ECE1: variants seen among roughly 807,000 people sequenced by gnomAD.
ECE1 encodes endothelin-converting enzyme 1.
Under a neutral mutation model 98.6 loss-of-function variants are expected in ECE1, and 35 were observed. That is an observed-to-expected ratio of 0.35 (90% CI 0.27 to 0.47). The LOEUF is 0.47. Among genes scored for constraint, ECE1 ranks in the 20% least tolerant of loss-of-function variants. The pLI, the probability that ECE1 is intolerant of heterozygous loss-of-function variation, is 1.00. For synonymous variants in ECE1, 394 were observed against 407.1 expected (o/e 0.97, Z 0.39); for missense variants, 814 against 1,025.3 (o/e 0.79, Z 2.81).
rs1236340453 is a variant in ECE1, at chr1:21,258,929, C to T, written c.616-90G>A. 1.3e-6 allele frequency: 2 copies of T among 1,553,772 alleles called. No individual in the cohort carries two copies. The highest frequency in any genetic ancestry group is 2.7e-5 in the African/African-American group (2 of 73,546). On this transcript the variant is annotated intron_variant, in intron 5 of 18. Coordinates refer to ENST00000374893, the MANE Select transcript of ECE1 (RefSeq NM_001397.3). The surrounding 1 kb of genome is among the most constrained non-coding windows in gnomAD (Gnocchi z 4.2). ...GTTCTGCCGCTGACTTGCTCTGTGA[C>T]CCTGGAGCAGTCGCCTGACCTCTCT... is the stretch of plus-strand genomic sequence containing the variant.
At chr1:21,272,043 A>G (rs1437867980) in intron 4 of ECE1, among the ~76,000 whole-genome samples, 1 of 152,056 alleles carries the variant, frequency 6.6e-6, no homozygotes, top group Non-Finnish European at 1.5e-5. Context: ...TGAAGCCACA[A>G]AAGTAACGAC....
intron 1 of ECE1, among the ~76,000 whole-genome samples, chr1:21,317,429 C>T (rs931179741): frequency 2.0e-5 from 3 of 152,190 alleles, no homozygotes; most frequent in Non-Finnish European, 2.9e-5. Context: ...GCTCGCAGGC[C>T]TCAGATGGGG....
At chr1:21,279,379 C>G (rs750932820) in intron 2 of ECE1, 47 bp from the exon 3 acceptor site, 1 of 1,613,452 alleles carries the variant, frequency 6.2e-7, no homozygotes, top group Non-Finnish European at 8.5e-7. Flanking sequence ...GAGCCCCGGG[C>G]CCCGCTTCCC....
intron 4 of ECE1, among the ~76,000 whole-genome samples, chr1:21,263,108 G>A (rs1026249366): frequency 6.6e-6 from 1 of 152,202 alleles, no homozygotes; most frequent in Non-Finnish European, 1.5e-5. Context: ...CTTCGTTTGA[G>A]CTTCGGGCTG....
chr1:21,311,367 G>C (rs1638718527), intron 1 of ECE1, among the ~76,000 whole-genome samples: 1 of 152,104 alleles, frequency 6.6e-6, no homozygotes, highest in African/African-American at 2.4e-5. Flanking sequence ...CAGGCTTCCA[G>C]GGCAAGTGAG....
chr1:21,276,680 C>CT (rs1553364114), intron 3 of ECE1, among the ~76,000 whole-genome samples: 9 of 143,956 alleles, frequency 6.3e-5, no homozygotes, highest in African/African-American at 1.8e-4. Context: ...ATCAGATTTG[C>CT]TTTCTTTTTT....
rs1298345180 is a variant in ECE1, at chr1:21,225,607, C to T, written c.1850-167G>A. Among the ~76,000 whole-genome samples, 3 of 152,056 alleles carry T rather than the reference C, an allele frequency of 2.0e-5. No individual in the cohort carries two copies. In the East Asian group the frequency reaches 5.8e-4, roughly 29 times the overall value. ...TGCCGAGGGACGTGGATGTGGTGGCCAGTCAGAGGCGGGAGAGGATGAAGG... is the reference window on the plus strand; with the variant it reads ...TGCCGAGGGACGTGGATGTGGTGGCTAGTCAGAGGCGGGAGAGGATGAAGG... On this transcript the variant is annotated intron_variant, in intron 16 of 18. Transcript: ENST00000374893. This position sits in a 1 kb window ranked among gnomAD's most constrained non-coding sequence, Gnocchi z 5.3.
At chr1:21,240,611 C>A (rs2098194875) in intron 10 of ECE1, among the ~76,000 whole-genome samples, 1 of 152,240 alleles carries the variant, frequency 6.6e-6, no homozygotes. Context: ...AAGGGCCACT[C>A]TTCTTCTTAC....
At chr1:21,238,300 C>T (rs986590274) in intron 10 of ECE1, 56 bp from the exon 11 acceptor site, 9 of 1,420,176 alleles carry the variant, frequency 6.3e-6, no homozygotes, top group Non-Finnish European at 5.9e-6. Context: ...TTCCCAACCC[C>T]TTTCTTGCTG....
At chr1:21,255,622 G>A (rs769694949) in intron 8 of ECE1, among the ~76,000 whole-genome samples, 7 of 152,190 alleles carry the variant, frequency 4.6e-5, no homozygotes, top group Non-Finnish European at 8.8e-5. Flanking sequence ...GCTTGGTGCT[G>A]GAGAGACTGG....
At chr1:21,320,151 C>T (rs576445150) in intron 1 of ECE1, among the ~76,000 whole-genome samples, 1 of 152,252 alleles carries the variant, frequency 6.6e-6, no homozygotes, top group Non-Finnish European at 1.5e-5. Context: ...CAAGCTCATT[C>T]ACAGATTCTC....
chr1:21,219,991 T>A lies in ECE1; in HGVS notation c.2277A>T (p.Ser759=). The part of the protein sequence containing the change: ...FSEHFRCPPG[S]PMNPPHKCEV... ...CGCACTTGTGAGGCGGGTTCATGGG[T>A]GAGCCAGGTGGGCAGCGGAAGTGTT... is the stretch of plus-strand genomic sequence containing the variant. The change falls in exon 19 of 19, where the codon TCA becomes TCT. Residue 759 remains serine, a synonymous_variant. Coordinates refer to ENST00000374893, the MANE Select transcript of ECE1 (RefSeq NM_001397.3). This position sits in a 1 kb window ranked among gnomAD's most constrained non-coding sequence, Gnocchi z 4.5. 2 of 1,614,202 alleles carry A rather than the reference T, an allele frequency of 1.2e-6. No individual in the cohort carries two copies. The highest frequency in any genetic ancestry group is 1.7e-6 in the Non-Finnish European group (2 of 1,180,026).
At chr1:21,334,774 G>A (rs1405184658) in intron 1 of ECE1, among the ~76,000 whole-genome samples, 1 of 152,060 alleles carries the variant, frequency 6.6e-6, no homozygotes, top group Non-Finnish European at 1.5e-5. Context: ...GGGATGCCTG[G>A]CTACCTCTCT....
At chr1:21,293,559 A>G (rs530273793), upstream of ECE1, 4 of 152,150 alleles carry the variant, frequency 2.6e-5, no homozygotes, top group Admixed American at 2.6e-4. Context: ...GTCTGTGGAC[A>G]GATGATGCAG....
intron 1 of ECE1, among the ~76,000 whole-genome samples, chr1:21,305,371 A>C (rs1430110603): frequency 6.6e-6 from 1 of 152,224 alleles, no homozygotes; most frequent in African/African-American, 2.4e-5. Flanking sequence ...TGAATGAATG[A>C]ATGAAGGCAA....
chr1:21,282,826 A>G (rs146133611), intron 2 of ECE1, among the ~76,000 whole-genome samples: 1 of 151,976 alleles, frequency 6.6e-6, no homozygotes, highest in African/African-American at 2.4e-5. Context: ...AAAGAAACAG[A>G]GGGATAGGAA....
chr1:21,266,774 G>A (rs7540310), intron 4 of ECE1: 8,467 of 152,182 alleles, frequency 0.056, 810 homozygotes, highest in African/African-American at 0.19. Flanking sequence ...TGGGTAACTC[G>A]TCCTAGGTCG....
intron 4 of ECE1, chr1:21,266,523 C>T (rs1233973711): frequency 6.6e-6 from 1 of 152,230 alleles, no homozygotes. Context: ...CTGTCACAAC[C>T]TCACCCTGGT....
Position 21,275,573 on chromosome 1 carries a change from C to T in ECE1, c.281-2662G>A, listed in dbSNP as rs190499920. 7.2e-5 allele frequency among the ~76,000 whole-genome samples: 11 copies of T among 152,206 alleles called. No homozygotes were observed. In the East Asian group the frequency reaches 2.1e-3, roughly 29 times the overall value. On this transcript the variant is annotated intron_variant, in intron 3 of 18. Coordinates refer to ENST00000374893, the MANE Select transcript of ECE1 (RefSeq NM_001397.3). ...TCGCGCCACTGCATTCCAGCCTGGG[C>T]GACAAGAGTGAGACTCTGTCTCAAA...
Sources: allele counts gnomAD v4.1 joint callset (sites outside exome capture counted in the v4.1 genomes callset), GRCh38; gene constraint gnomAD v4.1.1; non-coding constraint Gnocchi (gnomAD v3.1); transcripts MANE v1.5; gene names NCBI Gene and HGNC (gene_info 2026-07-23, HGNC 2026-07-21).